KDSR: variants seen among roughly 807,000 people sequenced by gnomAD.
KDSR encodes 3-ketodihydrosphingosine reductase.
Under a neutral mutation model 41.3 loss-of-function variants are expected in KDSR, and 23 were observed. The ratio of observed to expected loss-of-function variants is 0.56; its 90% confidence interval spans 0.40 to 0.79. The LOEUF (loss-of-function observed/expected upper bound fraction) is 0.79, where lower values mean the gene tolerates loss of function less well. KDSR is among the 30% of genes least tolerant of loss of function. The pLI, the probability that KDSR is intolerant of heterozygous loss-of-function variation, is 0.00. For synonymous variants in KDSR, 138 were observed against 151.7 expected, an observed-to-expected ratio of 0.91 and a Z score of 0.66; for missense variants, 351 against 416.8, an observed-to-expected ratio of 0.84 and a Z score of 1.37.
rs1913949134 is a variant in KDSR at position 63,330,546 on chromosome 18, G to A, written c.*1236C>T. On this transcript the variant is annotated 3_prime_UTR_variant, in exon 10 of 10. Coordinates refer to ENST00000645214, the MANE Select transcript of KDSR (RefSeq NM_002035.4). ...TTAGATGAGTGGGCTTCCTTAGCAT[G>A]TGGTATAAAAATAATGTCTGCAGGT... 2 of 231,794 alleles carry A rather than the reference G, an allele frequency of 8.6e-6. No individual in the cohort carries two copies. The highest frequency in any genetic ancestry group is 1.7e-5 in the Non-Finnish European group (2 of 117,122). The allele number at this position is 231,794 out of a possible 1,614,324, so 14.4% of individuals were successfully genotyped here. A position where few individuals can be genotyped will look rare whatever the true frequency, so the allele number is the denominator to read the frequency against.
intron 5 of KDSR, among the ~76,000 whole-genome samples, chr18:63,351,629 T>C (rs1023557772): frequency 6.6e-6 from 1 of 152,218 alleles, no homozygotes; most frequent in Admixed American, 6.5e-5. Flanking sequence ...CATAGGGCTG[T>C]TGCAAAGATT....
At chr18:63,337,885 GCCACTGCA>G (rs1332005002) in intron 8 of KDSR, among the ~76,000 whole-genome samples, 2 of 152,166 alleles carry the variant, frequency 1.3e-5, no homozygotes, top group East Asian at 3.8e-4. Flanking sequence ...CCAAGATCGT[GCCACTGCA>G]CTCCAGCCTG....
chr18:63,331,230 GT>G lies in KDSR; in HGVS notation c.*551del, dbSNP rs2144342808. ...TGACATTCAGACTCACTGGCAATGG[GT>G]CCAACTCATCTTGAATAAAATACAC... is the stretch of plus-strand genomic sequence containing the variant. On this transcript the variant is annotated 3_prime_UTR_variant, in exon 10 of 10. Coordinates refer to ENST00000645214, the MANE Select transcript of KDSR (RefSeq NM_002035.4). The G allele has an allele frequency of 4.3e-6, 1 of 232,792 alleles. No homozygotes were observed. Among genetic ancestry groups the G allele is most frequent in the East Asian group, 6.0e-5 (1 of 16,550 alleles). 14.4% of individuals were successfully genotyped at this position (232,792 alleles called of 1,614,324 possible).
At chr18:63,354,624 C>A (rs143957799) in intron 5 of KDSR, among the ~76,000 whole-genome samples, 1 of 151,962 alleles carries the variant, frequency 6.6e-6, no homozygotes, top group Admixed American at 6.6e-5. Flanking sequence ...GCTGAGATCA[C>A]GCCACTGCAC....
chr18:63,361,970 C>T (rs1302427926), intron 2 of KDSR, among the ~76,000 whole-genome samples: 1 of 152,208 alleles, frequency 6.6e-6, no homozygotes, highest in Non-Finnish European at 1.5e-5. Flanking sequence ...TATCACCCTC[C>T]TTGCACATGG....
At chr18:63,342,596 A>G (rs1247620318) in intron 7 of KDSR, among the ~76,000 whole-genome samples, 1 of 152,254 alleles carries the variant, frequency 6.6e-6, no homozygotes, top group African/African-American at 2.4e-5. Context: ...AGGAAATGTC[A>G]CTATAGAATG....
rs1174877359 is a variant in KDSR, at chr18:63,357,571, C to CAT, written c.256-2010_256-2009dup. ...ATATATATACATACATACATACATA[C>CAT]ATATATATATATATATATATATATT... is the stretch of plus-strand genomic sequence containing the variant. On this transcript the variant is annotated intron_variant, in intron 3 of 9. Transcript: ENST00000645214. Among the ~76,000 whole-genome samples, 1,144 of 128,546 alleles carry CAT rather than the reference C, an allele frequency of 8.9e-3. 16 individuals are homozygous for CAT. Among genetic ancestry groups the CAT allele is most frequent in the East Asian group, 0.013 (56 of 4,422 alleles). 84.3% of individuals were successfully genotyped at this position (128,546 alleles called of 152,430 possible).
chr18:63,362,806 A>T lies in KDSR; in HGVS notation c.171T>A (p.Ala57=). The change falls in exon 2 of 10, where the codon GCT becomes GCA. Residue 57 remains alanine (A), a synonymous_variant. Coordinates refer to ENST00000645214, the MANE Select transcript of KDSR (RefSeq NM_002035.4). ...CATTTCGTGCAACCAGAGTTATAAA[A>T]GCTCCTTGTTTATAGCACTCGATAG... ...CIAIECYKQG[A]FITLVARNED... 6.2e-7 allele frequency: 1 copy of T among 1,613,438 alleles called. No individual in the cohort carries two copies. Among genetic ancestry groups the T allele is most frequent in the Non-Finnish European group, 8.5e-7 (1 of 1,179,456 alleles).
intron 9 of KDSR, 112 bp downstream of exon 9, chr18:63,335,145 G>T: frequency 1.5e-6 from 1 of 647,612 alleles, no homozygotes; most frequent in Non-Finnish European, 2.7e-6. Flanking sequence ...AAAATACATT[G>T]TCAAATAAAG....
Position 63,367,050 on chromosome 18 carries a change from G to C in KDSR, c.69C>G (p.Ile23Met). The change falls in exon 1 of 10, where the codon ATC (isoleucine) becomes ATG (methionine). Residue 23 changes from isoleucine to methionine, a missense_variant. Physicochemically the swap from Ile to Met is conservative, Grantham distance 10 (BLOSUM62 1). Transcript: ENST00000645214. ...CGGGCAGGGCGAGGGGCTTGGGGCT[G>C]ATGAGCGGAGACACCATGTACAGCA... is the stretch of plus-strand genomic sequence containing the variant. ...VLLLYMVSPL[I>M]SPKPLALPGA... 2 of 1,328,206 alleles carry C rather than the reference G, an allele frequency of 1.5e-6. No homozygotes were observed. Among genetic ancestry groups the C allele is most frequent in the Non-Finnish European group, 1.9e-6 (2 of 1,031,922 alleles). 82.3% of individuals were successfully genotyped at this position (1,328,206 alleles called of 1,614,324 possible).
At chr18:63,354,696 C>T (rs541228992) in intron 5 of KDSR, among the ~76,000 whole-genome samples, 4 of 152,216 alleles carry the variant, frequency 2.6e-5, no homozygotes, top group Admixed American at 2.6e-4. Context: ...AATTTCAAAT[C>T]TAGTGTTCAT....
chr18:63,367,161 G>T lies in KDSR; in HGVS notation c.-43C>A. 1 of 1,056,344 alleles carries T rather than the reference G, an allele frequency of 9.5e-7. No individual in the cohort carries two copies. Among genetic ancestry groups the T allele is most frequent in the Non-Finnish European group, 1.2e-6 (1 of 816,996 alleles). 65.4% of individuals were successfully genotyped at this position (1,056,344 alleles called of 1,614,324 possible). On this transcript the variant is annotated 5_prime_UTR_variant, in exon 1 of 10. Coordinates refer to ENST00000645214, the MANE Select transcript of KDSR (RefSeq NM_002035.4). The stretch of plus-strand genomic sequence containing the variant: ...GGCCCGGAGCGGCCGGGCGGGGGCC[G>T]CCGGGCAAGGCGCGCAGGGCTGGGC...
intron 5 of KDSR, among the ~76,000 whole-genome samples, chr18:63,353,755 A>T (rs536127815): frequency 6.6e-6 from 1 of 152,306 alleles, no homozygotes; most frequent in African/African-American, 2.4e-5. Flanking sequence ...CATGATTCCA[A>T]TCATACGAAA....
intron 7 of KDSR, among the ~76,000 whole-genome samples, chr18:63,342,949 G>A (rs936576359): frequency 1.3e-5 from 2 of 152,074 alleles, no homozygotes; most frequent in East Asian, 1.9e-4. Flanking sequence ...GAGTTCTCAC[G>A]AGATCTGGTT....
At chr18:63,355,178 T>C (rs1029215540) in intron 5 of KDSR, 26 bp downstream of exon 5, 9 of 1,463,382 alleles carry the variant, frequency 6.2e-6, no homozygotes, top group African/African-American at 4.2e-5. Context: ...TATGTGCTAC[T>C]GCAGTGAGCA....
chr18:63,360,244 AGTAAGAATCACTTTCTGGATAGACTGG>A (rs1914922332), intron 2 of KDSR, among the ~76,000 whole-genome samples: 1 of 152,226 alleles, frequency 6.6e-6, no homozygotes, highest in South Asian at 2.1e-4. Flanking sequence ...ACCCAAACAT[AGTAAGAATCACTTTCTGGATAGACTGG>A]GTAAACTAGG....
chr18:63,346,374 C>T (rs539697215), intron 6 of KDSR: 1 of 152,342 alleles, frequency 6.6e-6, no homozygotes, highest in African/African-American at 2.4e-5. Context: ...TGTGCATAGA[C>T]CAGAGAAAAA....
chr18:63,346,726 C>A (rs1914515042), intron 6 of KDSR: 2 of 152,144 alleles, frequency 1.3e-5, no homozygotes, highest in Non-Finnish European at 2.9e-5. Context: ...TGGCTGGATA[C>A]CTCCAGTGGC....
At chr18:63,343,620 C>T (rs897328034) in intron 7 of KDSR, among the ~76,000 whole-genome samples, 1 of 151,786 alleles carries the variant, frequency 6.6e-6, no homozygotes, top group Middle Eastern at 3.4e-3. Context: ...AACTCCTGGC[C>T]TCAAGTGATC....
Sources: allele counts gnomAD v4.1 joint callset (sites outside exome capture counted in the v4.1 genomes callset), GRCh38; gene constraint gnomAD v4.1.1; transcripts MANE v1.5; gene names NCBI Gene and HGNC (gene_info 2026-07-23, HGNC 2026-07-21).